The following FUT9 variants were observed in gnomAD, a reference collection of about 807,000 sequenced individuals.
FUT9 encodes the protein fucosyltransferase 9, also known as 4-galactosyl-N-acetylglucosaminide 3-alpha-L-fucosyltransferase 9.
Under a neutral mutation model 29.7 loss-of-function variants are expected in FUT9, and 15 were observed. The observed-to-expected ratio is 0.51, with a 90% confidence interval of 0.34 to 0.78. The LOEUF (loss-of-function observed/expected upper bound fraction) is 0.78. FUT9 is among the 30% of genes least tolerant of loss of function. The probability of loss-of-function intolerance (pLI) is 0.01; values close to 1 mark genes in which losing one functional copy is unlikely to be tolerated. For missense variants in FUT9, 319 were observed against 425.4 expected, an observed-to-expected ratio of 0.75 and a Z score of 2.20; for synonymous variants, 169 against 153.7, an observed-to-expected ratio of 1.10 and a Z score of -0.74.
chr6:96,059,259 T>C (rs1770830795), intron 1 of FUT9, among the ~76,000 whole-genome samples: 1 of 152,160 alleles, frequency 6.6e-6, no homozygotes, highest in African/African-American at 2.4e-5. Context: ...ATAGGACATA[T>C]GCTTGCAATC....
At chr6:96,028,876 A>G (rs1362984310) in intron 1 of FUT9, among the ~76,000 whole-genome samples, 2 of 151,614 alleles carry the variant, frequency 1.3e-5, no homozygotes, top group Admixed American at 6.6e-5. Context: ...TTTAATAATT[A>G]TTCAGTCACA....
At chr6:96,081,151 A>G (rs937521084) in intron 1 of FUT9, among the ~76,000 whole-genome samples, 2 of 151,894 alleles carry the variant, frequency 1.3e-5, no homozygotes, top group African/African-American at 4.8e-5. Context: ...TAAAAAGTAT[A>G]TGTAAAGTTT....
At chr6:96,069,092 G>A (rs570189834) in intron 1 of FUT9, among the ~76,000 whole-genome samples, 2 of 152,276 alleles carry the variant, frequency 1.3e-5, no homozygotes, top group East Asian at 1.9e-4. Context: ...CGAGGCTGGC[G>A]GATCACGAGG....
At position 96,206,675 on chromosome 6, in the gene FUT9, T is replaced by G. The variant is rs1773836499; in HGVS notation, c.*2440T>G. Reference sequence around the variant, plus strand: ...ATGGGTTTCACTGTGTTGGCCAGGCTGGTCTTGAACTCCTGACCTCAAATG... The same window carrying G: ...ATGGGTTTCACTGTGTTGGCCAGGCGGGTCTTGAACTCCTGACCTCAAATG... On this transcript the variant is annotated 3_prime_UTR_variant, in exon 3 of 3. Transcript: ENST00000302103. 6.2e-6 allele frequency: 1 copy of G among 162,316 alleles called. No homozygotes were observed. Among genetic ancestry groups the G allele is most frequent in the Admixed American group, 6.5e-5 (1 of 15,268 alleles). The allele number at this position is 162,316 out of a possible 1,614,324, so 10.1% of individuals were successfully genotyped here. A position where few individuals can be genotyped will look rare whatever the true frequency, so the allele number is the denominator to read the frequency against.
intron 2 of FUT9, among the ~76,000 whole-genome samples, chr6:96,131,608 A>C (rs1015243790): frequency 2.0e-5 from 3 of 152,144 alleles, no homozygotes; most frequent in Admixed American, 2.0e-4. Flanking sequence ...TTCAGAGGAA[A>C]TATGTGCTTG....
At chr6:96,035,707 A>T (rs1433457239) in intron 1 of FUT9, among the ~76,000 whole-genome samples, 3 of 138,690 alleles carry the variant, frequency 2.2e-5, no homozygotes, top group African/African-American at 5.2e-5. Context: ...TAATAAATAT[A>T]ATTTATTATA....
intron 2 of FUT9, among the ~76,000 whole-genome samples, chr6:96,178,758 A>T (rs1336424008): frequency 6.6e-6 from 1 of 152,116 alleles, no homozygotes; most frequent in Non-Finnish European, 1.5e-5. Context: ...GAACTGTAGT[A>T]TCTAAGGGTC....
At chr6:96,054,708 C>T (rs563510380) in intron 1 of FUT9, among the ~76,000 whole-genome samples, 22 of 152,160 alleles carry the variant, frequency 1.4e-4, no homozygotes, top group African/African-American at 5.3e-4. Flanking sequence ...ATGGAAGAGC[C>T]CTAACCACAT....
In FUT9 at chr6:96,205,891, T is replaced by C. The variant is rs1171643532; in HGVS notation, c.*1656T>C. The C allele has an allele frequency of 6.0e-6, 1 of 167,010 alleles. No homozygotes were observed. The highest frequency in any genetic ancestry group is 1.5e-5 in the Non-Finnish European group (1 of 68,112). 10.3% of individuals were successfully genotyped at this position (167,010 alleles called of 1,614,324 possible). A position where few individuals can be genotyped will look rare whatever the true frequency, so the allele number is the denominator to read the frequency against. ...TAAGCTCACCCCAGCACCAGAAAGATTTGAGCAGAGGAATATTCCTGTAAT... is the reference window on the plus strand; with the variant it reads ...TAAGCTCACCCCAGCACCAGAAAGACTTGAGCAGAGGAATATTCCTGTAAT... On this transcript the variant is annotated 3_prime_UTR_variant, in exon 3 of 3. Coordinates refer to ENST00000302103, the MANE Select transcript of FUT9 (RefSeq NM_006581.4).
At chr6:96,043,128 T>G (rs1194379956) in intron 1 of FUT9, among the ~76,000 whole-genome samples, 1 of 152,112 alleles carries the variant, frequency 6.6e-6, no homozygotes, top group Non-Finnish European at 1.5e-5. Flanking sequence ...CTCGGCTCAC[T>G]GCAAGCTCCG....
At chr6:96,171,043 A>G (rs1178221583) in intron 2 of FUT9, among the ~76,000 whole-genome samples, 1 of 152,154 alleles carries the variant, frequency 6.6e-6, no homozygotes, top group Non-Finnish European at 1.5e-5. Flanking sequence ...ATTGCCAATC[A>G]TTTGGAGGAG....
At chr6:96,176,478 G>A (rs1244527154) in intron 2 of FUT9, among the ~76,000 whole-genome samples, 4 of 152,064 alleles carry the variant, frequency 2.6e-5, no homozygotes, top group Non-Finnish European at 4.4e-5. Flanking sequence ...CATAGACAAT[G>A]TAGAAAAGGG....
intron 2 of FUT9, among the ~76,000 whole-genome samples, chr6:96,133,053 C>T (rs4576261): frequency 0.98 from 149,594 of 152,040 alleles, 73,648 homozygotes; most frequent in Middle Eastern, 1. Flanking sequence ...TAGTGTACAC[C>T]GTACCCAATG....
At position 96,123,900 on chromosome 6, in the gene FUT9, A is replaced by G. The variant is rs115003705; in HGVS notation, c.-9+9773A>G. On this transcript the variant is annotated intron_variant, in intron 2 of 2. Coordinates refer to ENST00000302103, the MANE Select transcript of FUT9 (RefSeq NM_006581.4). ...TAACTAGAAACTTGTTTTTAATGCAATCTTCTGCTTGAGAAATACTGTGTC... is the reference window on the plus strand; with the variant it reads ...TAACTAGAAACTTGTTTTTAATGCAGTCTTCTGCTTGAGAAATACTGTGTC... Among the ~76,000 whole-genome samples, 1,045 of 151,820 alleles carry G rather than the reference A, an allele frequency of 6.9e-3. 12 individuals carry two copies. The highest frequency in any genetic ancestry group is 0.023 in the African/African-American group (973 of 41,434).
At chr6:96,094,072 C>A (rs1410437947) in intron 1 of FUT9, among the ~76,000 whole-genome samples, 1 of 152,106 alleles carries the variant, frequency 6.6e-6, no homozygotes. Flanking sequence ...ATTCCAAAAT[C>A]AAACAAGTTT....
intron 2 of FUT9, among the ~76,000 whole-genome samples, chr6:96,172,277 A>G (rs960872566): frequency 6.6e-6 from 1 of 152,166 alleles, no homozygotes; most frequent in African/African-American, 2.4e-5. Flanking sequence ...AATTTGGGAG[A>G]GCGGGACACA....
At chr6:96,104,352 G>T (rs774437507) in intron 1 of FUT9, among the ~76,000 whole-genome samples, 10 of 151,912 alleles carry the variant, frequency 6.6e-5, no homozygotes, top group Admixed American at 3.3e-4. Flanking sequence ...AATATTATTT[G>T]ACCAAATTAT....
intron 1 of FUT9, among the ~76,000 whole-genome samples, chr6:96,034,924 G>A (rs1770324797): frequency 6.6e-6 from 1 of 151,736 alleles, no homozygotes; most frequent in Non-Finnish European, 1.5e-5. Flanking sequence ...CATGAGAATA[G>A]TGGTTTGGGA....
intron 1 of FUT9, among the ~76,000 whole-genome samples, chr6:96,035,963 TATAATATA>T (rs1770356849): frequency 2.0e-5 from 1 of 49,448 alleles, no homozygotes; most frequent in Non-Finnish European, 3.8e-5. Flanking sequence ...ATTATATTAA[TATAATATA>T]ATACATTATG....
Sources: allele counts gnomAD v4.1 joint callset (sites outside exome capture counted in the v4.1 genomes callset), GRCh38; gene constraint gnomAD v4.1.1; transcripts MANE v1.5; gene names NCBI Gene and HGNC (gene_info 2026-07-23, HGNC 2026-07-21).